Variants in WNT3 observed in about 807,000 individuals in gnomAD.
WNT3 encodes the protein proto-oncogene Wnt-3.
In WNT3, 7 loss-of-function variants were observed where a neutral mutation model predicts 34.2. That is an observed-to-expected ratio of 0.20 (90% confidence interval 0.12 to 0.38). The LOEUF (loss-of-function observed/expected upper bound fraction) is 0.38. Among genes scored for constraint, WNT3 ranks in the 10% least tolerant of loss-of-function variants. The pLI, the probability that WNT3 is intolerant of heterozygous loss-of-function variation, is 1.00. For synonymous variants in WNT3, 212 were observed against 211.5 expected (o/e 1.00, Z -0.02); for missense variants, 267 against 499.8 (o/e 0.53, Z 4.44).
intron 1 of WNT3, among the ~76,000 whole-genome samples, chr17:46,806,946 C>T (rs1305936419): frequency 6.6e-6 from 1 of 152,176 alleles, no homozygotes; most frequent in Non-Finnish European, 1.5e-5. Context: ...CACTCCGTCA[C>T]CTGTGGAATG....
At chr17:46,769,240 C>G (rs2059341080) in intron 3 of WNT3, among the ~76,000 whole-genome samples, 1 of 147,992 alleles carries the variant, frequency 6.8e-6, no homozygotes, top group Non-Finnish European at 1.5e-5. Context: ...TGCTTGAACT[C>G]GGGAGGCGGA....
At chr17:46,795,212 A>T (rs2084037772) in intron 1 of WNT3, among the ~76,000 whole-genome samples, 1 of 151,728 alleles carries the variant, frequency 6.6e-6, no homozygotes, top group African/African-American at 2.4e-5. Context: ...TCCCCCATAA[A>T]CACCCTCTGG....
At chr17:46,801,065 A>T (rs1042257438) in intron 1 of WNT3, among the ~76,000 whole-genome samples, 4 of 152,222 alleles carry the variant, frequency 2.6e-5, no homozygotes, top group Non-Finnish European at 5.9e-5. Flanking sequence ...CTAGTCTCAC[A>T]TGCGTTATAT....
intron 1 of WNT3, among the ~76,000 whole-genome samples, chr17:46,814,855 G>T (rs1474830174): frequency 6.6e-6 from 1 of 152,218 alleles, no homozygotes; most frequent in East Asian, 1.9e-4. Flanking sequence ...GACAGATGGG[G>T]AAACTGAGGT....
intron 4 of WNT3, among the ~76,000 whole-genome samples, chr17:46,766,114 G>A (rs963947068): frequency 6.6e-6 from 1 of 152,162 alleles, no homozygotes. Context: ...GGCTGATGAA[G>A]AGTACTGATT....
chr17:46,783,122 C>A (rs1250972992), intron 1 of WNT3, among the ~76,000 whole-genome samples: 1 of 152,206 alleles, frequency 6.6e-6, no homozygotes, highest in East Asian at 1.9e-4. Flanking sequence ...GCATCTCCAG[C>A]AGGGGTGGGA....
intron 1 of WNT3, among the ~76,000 whole-genome samples, chr17:46,783,547 C>T (rs2059479425): frequency 6.6e-6 from 1 of 152,234 alleles, no homozygotes; most frequent in African/African-American, 2.4e-5. Context: ...CCTACTAGGT[C>T]TGGGCACTGT....
Position 46,768,406 on chromosome 17 carries a change from C to G in WNT3, c.982G>C (p.Glu328Gln). 1.2e-6 allele frequency: 2 copies of G among 1,613,974 alleles called. No individual in the cohort carries two copies. The highest frequency in any genetic ancestry group is 1.7e-6 in the Non-Finnish European group (2 of 1,180,026). Residue 328 changes from glutamate to glutamine, a missense_variant, in exon 4 of 5, where the codon GAA becomes CAA. By Grantham distance (29) the Glu-to-Gln change is conservative. Coordinates refer to ENST00000225512, the MANE Select transcript of WNT3 (RefSeq NM_030753.5). The surrounding 1 kb of genome is among the most constrained non-coding windows in gnomAD (Gnocchi z 5.0). The stretch of plus-strand genomic sequence containing the variant: ...CAGTGGAAGATGCAGTGGCATTTTT[C>G]CTTCCGCTTCTCCGTCCTCGTGTTG... ...GHNTRTEKRK[E>Q]KCHCIFHWCC...
rs1486516079 is a variant in WNT3, at chr17:46,774,032, C to T, written c.81-123G>A. On this transcript the variant is annotated intron_variant, in intron 1 of 4. Transcript: ENST00000225512. ...AGGCAGAGGGCCTGTGCCCTGGCAC[C>T]TGAATGTGCTACCTTTGACCTCGGG... 4 of 1,387,710 alleles carry T rather than the reference C, an allele frequency of 2.9e-6. No homozygotes were observed. The Admixed American group carries it at 6.1e-5, about 21-fold the overall frequency. 86.0% of individuals were successfully genotyped at this position (1,387,710 alleles called of 1,614,324 possible).
At chr17:46,770,358 C>CAG (rs775895200) in intron 2 of WNT3, among the ~76,000 whole-genome samples, 1 of 152,214 alleles carries the variant, frequency 6.6e-6, no homozygotes, top group Non-Finnish European at 1.5e-5. Flanking sequence ...CAGGTTGCTG[C>CAG]AGAGATAAGG....
chr17:46,769,047 C>G lies in WNT3; in HGVS notation c.589-248G>C, dbSNP rs916196926. Among the ~76,000 whole-genome samples, 30 of 152,138 alleles carry G rather than the reference C, an allele frequency of 2.0e-4. 1 individual carries two copies. Among genetic ancestry groups the G allele is most frequent in the Non-Finnish European group, 1.5e-5 (1 of 68,026 alleles). Reference sequence around the variant, plus strand: ...CAGCGCATGAAATACGAGTTGTTGCCCAGGCGCGGTGGTAATCCCAGCACC... The same window carrying G: ...CAGCGCATGAAATACGAGTTGTTGCGCAGGCGCGGTGGTAATCCCAGCACC... On this transcript the variant is annotated intron_variant, in intron 3 of 4. Coordinates refer to ENST00000225512, the MANE Select transcript of WNT3 (RefSeq NM_030753.5).
chr17:46,780,856 A>C (rs1489172472), intron 1 of WNT3, among the ~76,000 whole-genome samples: 3 of 152,214 alleles, frequency 2.0e-5, no homozygotes, highest in Non-Finnish European at 4.4e-5. Context: ...ACAGCAGCCA[A>C]AAGGTAGAGA....
At chr17:46,785,891 A>ATGT (rs2059500953) in intron 1 of WNT3, among the ~76,000 whole-genome samples, 1 of 152,156 alleles carries the variant, frequency 6.6e-6, no homozygotes, top group African/African-American at 2.4e-5. Context: ...CTGGGCTGGA[A>ATGT]TGTTGCAGCT....
chr17:46,799,610 G>A (rs1173610709), intron 1 of WNT3, among the ~76,000 whole-genome samples: 4 of 151,986 alleles, frequency 2.6e-5, no homozygotes, highest in Non-Finnish European at 4.4e-5. Context: ...ACCATGCCTG[G>A]CTACTTTTTG....
At chr17:46,817,287 C>T (rs2084363866) in intron 1 of WNT3, among the ~76,000 whole-genome samples, 1 of 152,192 alleles carries the variant, frequency 6.6e-6, no homozygotes, top group Non-Finnish European at 1.5e-5. Flanking sequence ...CGGTACCGCA[C>T]CGTGGTGGCA....
At chr17:46,787,848 C>T (rs1034906334) in intron 1 of WNT3, among the ~76,000 whole-genome samples, 1 of 151,898 alleles carries the variant, frequency 6.6e-6, no homozygotes, top group Non-Finnish European at 1.5e-5. Context: ...CACAGCTACC[C>T]TGGAGGCTGA....
At position 46,801,571 on chromosome 17, in the gene WNT3, G is replaced by A. The variant is rs149354737; in HGVS notation, c.80+16947C>T. ...GGAGGCGGAGGCTGCAGTGAGCTGT[G>A]ATTGCGCCATTACACTCCACTCTGG... On this transcript the variant is annotated intron_variant, in intron 1 of 4. Coordinates refer to ENST00000225512, the MANE Select transcript of WNT3 (RefSeq NM_030753.5). 4.3e-3 allele frequency among the ~76,000 whole-genome samples: 536 copies of A among 124,262 alleles called. 2 individuals are homozygous for A. Among genetic ancestry groups the A allele is most frequent in the African/African-American group, 0.016 (518 of 32,664 alleles). 81.5% of individuals were successfully genotyped at this position (124,262 alleles called of 152,430 possible).
intron 1 of WNT3, among the ~76,000 whole-genome samples, chr17:46,815,855 C>G (rs28589926): frequency 0.19 from 28,670 of 152,066 alleles, 2,749 homozygotes; most frequent in Middle Eastern, 0.3. Context: ...GGCTGCCCAC[C>G]AAACACCCAA....
rs2059291834 is a variant in WNT3, at chr17:46,763,931, A to C, written c.*699T>G. 6.6e-6 allele frequency: 1 copy of C among 152,136 alleles called. No individual in the cohort carries two copies. The highest frequency in any genetic ancestry group is 1.5e-5 in the Non-Finnish European group (1 of 68,018). 9.4% of individuals were successfully genotyped at this position (152,136 alleles called of 1,614,324 possible). A position where few individuals can be genotyped will look rare whatever the true frequency, so the allele number is the denominator to read the frequency against. On this transcript the variant is annotated 3_prime_UTR_variant, in exon 5 of 5. Coordinates refer to ENST00000225512, the MANE Select transcript of WNT3 (RefSeq NM_030753.5). ...TTTGAGATCTGACTGCCCCTCGTGCAGAACAGGGTTATAGAGAAAATGAGA... is the reference window on the plus strand; with the variant it reads ...TTTGAGATCTGACTGCCCCTCGTGCCGAACAGGGTTATAGAGAAAATGAGA...
Sources: allele counts gnomAD v4.1 joint callset (sites outside exome capture counted in the v4.1 genomes callset), GRCh38; gene constraint gnomAD v4.1.1; non-coding constraint Gnocchi (gnomAD v3.1); transcripts MANE v1.5; gene names NCBI Gene and HGNC (gene_info 2026-07-23, HGNC 2026-07-21).